STOX2: variants seen among roughly 807,000 people sequenced by gnomAD.
STOX2 encodes storkhead box 2, also known as storkhead-box protein 2.
STOX2 carries 28 observed loss-of-function variants against 60.9 expected under a neutral mutation model. The ratio of observed to expected loss-of-function variants is 0.46; its 90% CI spans 0.34 to 0.63. The LOEUF is 0.63. STOX2 is among the 30% of genes least tolerant of loss of function. The pLI is 0.01. For missense variants in STOX2, 1,024 were observed against 1,187.7 expected, an observed-to-expected ratio of 0.86 and a Z score of 2.03; for synonymous variants, 472 against 463.9, an observed-to-expected ratio of 1.02 and a Z score of -0.22.
intron 1 of STOX2, among the ~76,000 whole-genome samples, chr4:183,857,418 C>CGCAGG (rs1482826285): frequency 0.021 from 340 of 16,332 alleles, 11 homozygotes; most frequent in African/African-American, 0.043. Flanking sequence ...TTGGTCATCC[C>CGCAGG]ACAGGACTGG....
At chr4:183,841,199 T>G (rs957371144) in intron 1 of STOX2, among the ~76,000 whole-genome samples, 1 of 150,218 alleles carries the variant, frequency 6.7e-6, no homozygotes, top group African/African-American at 2.5e-5. Context: ...ATTTATTTAT[T>G]TATTTATTTA....
chr4:183,864,820 A>C (rs1251449417), intron 1 of STOX2, among the ~76,000 whole-genome samples: 1 of 152,156 alleles, frequency 6.6e-6, no homozygotes, highest in African/African-American at 2.4e-5. Flanking sequence ...CTCCTCTAGC[A>C]ATGTGTCCCA....
intron 1 of STOX2, among the ~76,000 whole-genome samples, chr4:183,871,814 G>C (rs971084811): frequency 2.0e-5 from 3 of 151,846 alleles, no homozygotes; most frequent in Non-Finnish European, 4.4e-5. Context: ...CTGACAGACC[G>C]TGAGCTCTTC....
chr4:183,859,852 T>TTTATTTTCC (rs1740389625), intron 1 of STOX2, among the ~76,000 whole-genome samples: 2 of 152,244 alleles, frequency 1.3e-5, no homozygotes, highest in Admixed American at 1.3e-4. Flanking sequence ...TATCTAGGAC[T>TTTATTTTCC]TTATTTTCCT....
intron 1 of STOX2, among the ~76,000 whole-genome samples, chr4:183,872,896 T>C (rs1023573714): frequency 1.3e-5 from 2 of 152,202 alleles, no homozygotes; most frequent in African/African-American, 2.4e-5. Flanking sequence ...TTCTGCTGTT[T>C]GCTTTTAGTG....
At chr4:183,904,284 C>T (rs973998960), upstream of STOX2, among the ~76,000 whole-genome samples, 4 of 152,200 alleles carry the variant, frequency 2.6e-5, no homozygotes, top group Non-Finnish European at 5.9e-5. Flanking sequence ...AGAAGCTGCA[C>T]GGGGTCCGTA....
intron 1 of STOX2, among the ~76,000 whole-genome samples, chr4:183,800,406 G>A (rs1016266391): frequency 5.9e-5 from 9 of 152,156 alleles, no homozygotes; most frequent in Admixed American, 5.2e-4. Flanking sequence ...TCGATCTACT[G>A]CTAAACGTAC....
At chr4:183,903,364 T>C (rs1741504831), upstream of STOX2, among the ~76,000 whole-genome samples, 1 of 152,142 alleles carries the variant, frequency 6.6e-6, no homozygotes, top group African/African-American at 2.4e-5. Context: ...TGTAACACCA[T>C]CTCCCCCACT....
rs1484408800 is a variant in STOX2, at chr4:183,889,010, A to G, written c.364+90955A>G. ...TGATGAACTGCCAAAGATGTTCTCG[A>G]TGCGTTATTGGACCGTCTTTTGCTT... On this transcript the variant is annotated intron_variant, in intron 1 of 2. Coordinates refer to the STOX2 transcript ENST00000513034. 2.0e-5 allele frequency among the ~76,000 whole-genome samples: 3 copies of G among 151,624 alleles called. No homozygotes were observed. In the South Asian group the frequency reaches 6.2e-4, roughly 32 times the overall value.
chr4:183,824,747 C>T (rs908949920), intron 1 of STOX2, among the ~76,000 whole-genome samples: 1 of 152,140 alleles, frequency 6.6e-6, no homozygotes, highest in Non-Finnish European at 1.5e-5. Flanking sequence ...TTATGTGATG[C>T]ACCAATACTA....
rs1734648403 is a variant in STOX2, at chr4:184,022,984, T to G, written c.*5700T>G. 1 of 152,208 alleles carries G rather than the reference T, an allele frequency of 6.6e-6. No homozygotes were observed. The highest frequency in any genetic ancestry group is 6.5e-5 in the Admixed American group (1 of 15,280). The allele number at this position is 152,208 out of a possible 1,614,324, so 9.4% of individuals were successfully genotyped here. ...TACTACGTTCTAGAAGAGAATTAAA[T>G]TTAAACGTCAAGTTTAAAGGGATCA... On this transcript the variant is annotated 3_prime_UTR_variant, in exon 4 of 4. Transcript: ENST00000308497.
intron 1 of STOX2, among the ~76,000 whole-genome samples, chr4:183,925,232 T>C (rs1422103635): frequency 6.6e-6 from 1 of 152,240 alleles, no homozygotes; most frequent in East Asian, 1.9e-4. Flanking sequence ...GTGATACTCC[T>C]TAATCTTCTG....
At chr4:183,925,110 C>T (rs965975008) in intron 1 of STOX2, among the ~76,000 whole-genome samples, 7 of 152,084 alleles carry the variant, frequency 4.6e-5, no homozygotes, top group African/African-American at 1.7e-4. Context: ...TTTTTCTCCC[C>T]GTGTTTTAAT....
intron 1 of STOX2, among the ~76,000 whole-genome samples, chr4:183,842,219 G>A (rs1020776765): frequency 6.6e-6 from 1 of 152,206 alleles, no homozygotes. Context: ...GAATGTCTTA[G>A]ATCTGCTTTT....
At chr4:183,885,115 C>T (rs994509120) in intron 1 of STOX2, among the ~76,000 whole-genome samples, 4 of 152,150 alleles carry the variant, frequency 2.6e-5, no homozygotes, top group African/African-American at 7.2e-5. Flanking sequence ...GGGCCACAGA[C>T]GCACCTTGTG....
intron 1 of STOX2, among the ~76,000 whole-genome samples, chr4:183,807,383 C>T (rs1199284809): frequency 6.6e-6 from 1 of 150,640 alleles, no homozygotes; most frequent in African/African-American, 2.4e-5. Flanking sequence ...TCCCCAGGCC[C>T]TTCTGGTGTG....
intron 1 of STOX2, among the ~76,000 whole-genome samples, chr4:183,867,407 G>A (rs1488353509): frequency 6.6e-6 from 1 of 152,186 alleles, no homozygotes; most frequent in Non-Finnish European, 1.5e-5. Context: ...GAGGAGAAAG[G>A]CCAAGATCGG....
At chr4:183,818,265 C>G (rs912471281) in intron 1 of STOX2, among the ~76,000 whole-genome samples, 2 of 151,952 alleles carry the variant, frequency 1.3e-5, no homozygotes, top group Non-Finnish European at 2.9e-5. Context: ...GTTTGTGTCC[C>G]TGGGTACTTG....
chr4:183,996,599 A>G (rs972713303), intron 1 of STOX2, among the ~76,000 whole-genome samples: 1 of 152,200 alleles, frequency 6.6e-6, no homozygotes, highest in African/African-American at 2.4e-5. Context: ...AAGCAGGTTT[A>G]TATAAGATCC....
Sources: allele counts gnomAD v4.1 joint callset (sites outside exome capture counted in the v4.1 genomes callset), GRCh38; gene constraint gnomAD v4.1.1; transcripts MANE v1.5; gene names NCBI Gene and HGNC (gene_info 2026-07-23, HGNC 2026-07-21).